The following XKR6 variants were observed in gnomAD, a reference collection of about 807,000 sequenced individuals.
XKR6 encodes XK related 6.
Under a neutral mutation model 56.7 loss-of-function variants are expected in XKR6, and 22 were observed. The observed-to-expected ratio is 0.39, with a 90% CI of 0.28 to 0.55. The LOEUF (loss-of-function observed/expected upper bound fraction) is 0.55, where lower values mean the gene tolerates loss of function less well. Ranked by LOEUF, XKR6 falls within the 20% of genes least tolerant of loss-of-function variation. The pLI, the probability that XKR6 is intolerant of heterozygous loss-of-function variation, is 0.66. For synonymous variants in XKR6, 524 were observed against 387.8 expected (o/e 1.35, Z -4.13); for missense variants, 852 against 889.0 (o/e 0.96, Z 0.53).
At chr8:10,901,055 C>T (rs1303055409) in intron 2 of XKR6, among the ~76,000 whole-genome samples, 35 of 122,236 alleles carry the variant, frequency 2.9e-4, no homozygotes, top group Non-Finnish European at 3.3e-4. Flanking sequence ...GTTTCTACTT[C>T]TTTTTTTTTT....
chr8:11,013,297 TC>T (rs1281139119), intron 1 of XKR6, among the ~76,000 whole-genome samples: 1 of 152,218 alleles, frequency 6.6e-6, no homozygotes, highest in Non-Finnish European at 1.5e-5. Context: ...CATGTGGTTT[TC>T]TAAAGGTTTC....
At chr8:11,086,178 A>G (rs1797884604) in intron 1 of XKR6, among the ~76,000 whole-genome samples, 1 of 149,996 alleles carries the variant, frequency 6.7e-6, no homozygotes, top group South Asian at 2.1e-4. Context: ...AGCATAATTC[A>G]TAATTCTGAT....
At chr8:11,182,242 C>G (rs1803026446) in intron 1 of XKR6, among the ~76,000 whole-genome samples, 1 of 152,192 alleles carries the variant, frequency 6.6e-6, no homozygotes, top group African/African-American at 2.4e-5. Flanking sequence ...AGCCCCATGA[C>G]CACAGGTGAC....
intron 1 of XKR6, among the ~76,000 whole-genome samples, chr8:11,191,845 A>C (rs1803596900): frequency 6.6e-6 from 1 of 152,202 alleles, no homozygotes; most frequent in African/African-American, 2.4e-5. Context: ...AGTACAAAAC[A>C]GCTATTAGAT....
At chr8:11,072,489 A>G (rs1386075401) in intron 1 of XKR6, among the ~76,000 whole-genome samples, 3 of 152,238 alleles carry the variant, frequency 2.0e-5, no homozygotes, top group Non-Finnish European at 4.4e-5. Context: ...ACATTGCACA[A>G]GGAAATGTGC....
At chr8:11,109,604 G>C (rs940243748) in intron 1 of XKR6, 1 of 152,286 alleles carries the variant, frequency 6.6e-6, no homozygotes, top group South Asian at 2.1e-4. Context: ...CTTTAAGTCA[G>C]CTCTGGGCGA....
chr8:11,047,934 C>T (rs1799450070), intron 1 of XKR6, among the ~76,000 whole-genome samples: 1 of 152,124 alleles, frequency 6.6e-6, no homozygotes, highest in African/African-American at 2.4e-5. Context: ...CCCAGTTTTA[C>T]AGATGGGGAC....
At chr8:10,986,716 T>C (rs1291584848) in intron 1 of XKR6, among the ~76,000 whole-genome samples, 1 of 152,166 alleles carries the variant, frequency 6.6e-6, no homozygotes, top group Non-Finnish European at 1.5e-5. Flanking sequence ...TTAATCTCAT[T>C]CAACTTCGGT....
chr8:10,955,324 C>T (rs1020362144), intron 1 of XKR6, among the ~76,000 whole-genome samples: 32 of 152,126 alleles, frequency 2.1e-4, no homozygotes, highest in African/African-American at 7.0e-4. Context: ...AGGTGTGTGC[C>T]GACATGCCCA....
intron 1 of XKR6, among the ~76,000 whole-genome samples, chr8:10,942,268 C>A (rs534563248): frequency 4.6e-5 from 7 of 152,356 alleles, no homozygotes; most frequent in Non-Finnish European, 1.0e-4. Flanking sequence ...GGTCACACTC[C>A]ACACAGGTGC....
intron 1 of XKR6, among the ~76,000 whole-genome samples, chr8:10,967,747 A>G (rs747539680): frequency 1.3e-5 from 2 of 152,234 alleles, no homozygotes; most frequent in African/African-American, 2.4e-5. Flanking sequence ...AAGGACCTAC[A>G]GCGACGTGCT....
At chr8:11,082,642 C>G (rs1051712627) in intron 1 of XKR6, among the ~76,000 whole-genome samples, 1 of 152,226 alleles carries the variant, frequency 6.6e-6, no homozygotes, top group Non-Finnish European at 1.5e-5. Flanking sequence ...GAAAGTCAAA[C>G]AAGAGTCCTC....
At chr8:10,932,603 G>A (rs1801089858) in intron 1 of XKR6, among the ~76,000 whole-genome samples, 1 of 123,042 alleles carries the variant, frequency 8.1e-6, no homozygotes, top group Non-Finnish European at 1.6e-5. Flanking sequence ...AGTCCCCAGA[G>A]TGTGATATTC....
intron 1 of XKR6, among the ~76,000 whole-genome samples, chr8:11,043,306 T>C (rs978346663): frequency 6.6e-6 from 1 of 152,104 alleles, no homozygotes; most frequent in African/African-American, 2.4e-5. Context: ...GAGTCTCCCC[T>C]GCAGCAGGAA....
chr8:10,972,071 TA>T (rs1399330055), intron 1 of XKR6, among the ~76,000 whole-genome samples: 2 of 152,158 alleles, frequency 1.3e-5, no homozygotes, highest in African/African-American at 4.8e-5. Flanking sequence ...TGTTGTTAAA[TA>T]TTTCTGTTGC....
chr8:11,000,317 G>A lies in XKR6; in HGVS notation c.765-75487C>T, dbSNP rs115752797. On this transcript the variant is annotated intron_variant, in intron 1 of 2. Coordinates refer to ENST00000416569, the MANE Select transcript of XKR6 (RefSeq NM_173683.4). ...ACAGTTTGCAAGGCTGAAATGGTGT[G>A]CAAAGGAGAAACAAGTAGCAATGCA... 4.5e-4 allele frequency among the ~76,000 whole-genome samples: 68 copies of A among 152,174 alleles called. 1 individual carries two copies. The highest frequency in any genetic ancestry group is 1.5e-3 in the African/African-American group (63 of 41,438).
Position 10,896,294 on chromosome 8 carries a change from A to G in XKR6, c.*1658T>C, listed in dbSNP as rs1024160725. On this transcript the variant is annotated 3_prime_UTR_variant, in exon 3 of 3. Coordinates refer to ENST00000416569, the MANE Select transcript of XKR6 (RefSeq NM_173683.4). ...ACCTGCAGAAATTCAACTTGATACA[A>G]TGAGAAAATAAACAGTGGAATCAAA... 33 of 152,596 alleles carry G rather than the reference A, an allele frequency of 2.2e-4. No individual in the cohort carries two copies. Among genetic ancestry groups the G allele is most frequent in the African/African-American group, 7.7e-4 (32 of 41,432 alleles). The allele number at this position is 152,596 out of a possible 1,614,324, so 9.5% of individuals were successfully genotyped here.
intron 1 of XKR6, among the ~76,000 whole-genome samples, chr8:11,139,486 G>A (rs956564713): frequency 6.6e-6 from 1 of 152,106 alleles, no homozygotes; most frequent in Non-Finnish European, 1.5e-5. Flanking sequence ...GCCAGCAGCT[G>A]CTACTAGGAG....
intron 1 of XKR6, among the ~76,000 whole-genome samples, chr8:10,929,163 G>A (rs1477720156): frequency 1.3e-5 from 2 of 152,206 alleles, no homozygotes; most frequent in Admixed American, 6.5e-5. Context: ...ACCTCACAGA[G>A]CACAAAGGAT....
Sources: allele counts gnomAD v4.1 joint callset (sites outside exome capture counted in the v4.1 genomes callset), GRCh38; gene constraint gnomAD v4.1.1; transcripts MANE v1.5; gene names NCBI Gene and HGNC (gene_info 2026-07-23, HGNC 2026-07-21).